The following SHISAL1 variants were observed in gnomAD, a reference collection of about 807,000 sequenced individuals.
The protein encoded by SHISAL1 is shisa like 1.
A neutral mutation model predicts 22.6 loss-of-function variants in SHISAL1; 9 were observed. The ratio of observed to expected loss-of-function variants is 0.40; its 90% confidence interval spans 0.24 to 0.70. The LOEUF is 0.70. SHISAL1 is among the 30% of genes least tolerant of loss of function. The probability of loss-of-function intolerance (pLI) is 0.39; values close to 1 mark genes in which losing one functional copy is unlikely to be tolerated. For missense variants in SHISAL1, 246 were observed against 270.6 expected (o/e 0.91, Z 0.64); for synonymous variants, 119 against 115.4 (o/e 1.03, Z -0.20).
Position 44,285,757 on chromosome 22 carries a change from CA to C in SHISAL1, c.282-13del, listed in dbSNP as rs1271175177. The C allele has an allele frequency of 6.2e-7, 1 of 1,602,780 alleles. No homozygotes were observed. Among genetic ancestry groups the C allele is most frequent in the African/African-American group, 1.3e-5 (1 of 74,772 alleles). ...AGGCGGTGTAATTGCTGCGAACAAA[CA>C]GAGAGGGAGTGAGCAAGCAGAGGGG... On this transcript the variant is annotated splice_polypyrimidine_tract_variant and intron_variant, in intron 3 of 4. Coordinates refer to ENST00000381176, the MANE Select transcript of SHISAL1 (RefSeq NM_001099294.2).
intron 4 of SHISAL1, among the ~76,000 whole-genome samples, chr22:44,262,703 G>C (rs2055133340): frequency 6.6e-6 from 1 of 152,236 alleles, no homozygotes; most frequent in Non-Finnish European, 1.5e-5. Context: ...CTGGGGAGTA[G>C]CAGGCTGCCC....
the SHISAL1 span, among the ~76,000 whole-genome samples, chr22:44,323,672 CA>C: frequency 3.3e-5 from 5 of 150,832 alleles, no homozygotes; most frequent in East Asian, 2.0e-4. Context: ...TCCATCCATC[CA>C]TCCATCCATC....
chr22:44,329,440 G>A, the SHISAL1 span, among the ~76,000 whole-genome samples: 1 of 144,980 alleles, frequency 6.9e-6, no homozygotes, highest in Admixed American at 6.8e-5. Context: ...GCGAGAATGG[G>A]ACACACACAC....
intron 4 of SHISAL1, among the ~76,000 whole-genome samples, chr22:44,282,258 C>T (rs2055281852): frequency 6.6e-6 from 1 of 152,240 alleles, no homozygotes; most frequent in South Asian, 2.1e-4. Flanking sequence ...CCCCGCCCAC[C>T]GTGGGCCCTC....
chr22:44,294,137 G>A (rs545861280), intron 3 of SHISAL1, among the ~76,000 whole-genome samples: 9 of 152,350 alleles, frequency 5.9e-5, no homozygotes, highest in Admixed American at 2.6e-4. Flanking sequence ...CAGGGAATTC[G>A]TTCCTTGTCT....
At chr22:44,318,450 G>C in the SHISAL1 span, among the ~76,000 whole-genome samples, 46 of 152,358 alleles carry the variant, frequency 3.0e-4, no homozygotes, top group Non-Finnish European at 4.8e-4. Flanking sequence ...AGCGGGTGCT[G>C]GGCCCAGGCC....
chr22:44,301,706 T>C (rs2055430637), intron 1 of SHISAL1, among the ~76,000 whole-genome samples: 3 of 152,034 alleles, frequency 2.0e-5, no homozygotes, highest in Admixed American at 2.0e-4. Flanking sequence ...CGTCACACAA[T>C]GCACATTACT....
At chr22:44,260,816 C>G (rs541566438) in intron 4 of SHISAL1, among the ~76,000 whole-genome samples, 2 of 152,218 alleles carry the variant, frequency 1.3e-5, no homozygotes, top group South Asian at 4.2e-4. Flanking sequence ...GGCAGCGTCA[C>G]TCCTGACTTT....
intron 4 of SHISAL1, among the ~76,000 whole-genome samples, chr22:44,257,361 C>A: frequency 6.6e-6 from 1 of 152,228 alleles, no homozygotes; most frequent in Non-Finnish European, 1.5e-5. Flanking sequence ...GAGAGTCACA[C>A]AGAGACCAAT....
chr22:44,300,396 T>C (rs1341063924), intron 2 of SHISAL1, among the ~76,000 whole-genome samples: 1 of 152,174 alleles, frequency 6.6e-6, no homozygotes, highest in Non-Finnish European at 1.5e-5. Context: ...TGCTCATCCT[T>C]GTAACTGGGA....
At chr22:44,269,258 CCA>C (rs1038090623) in intron 4 of SHISAL1, among the ~76,000 whole-genome samples, 18 of 151,422 alleles carry the variant, frequency 1.2e-4, no homozygotes, top group African/African-American at 3.4e-4. Context: ...TACACACACG[CCA>C]CACAGACACC....
upstream of SHISAL1, among the ~76,000 whole-genome samples, chr22:44,314,013 G>A (rs1419042794): frequency 2.6e-5 from 4 of 152,144 alleles, no homozygotes; most frequent in Admixed American, 2.0e-4. Flanking sequence ...CAGCCTGACG[G>A]GGTAGGGGCC....
At chr22:44,328,045 C>T in the SHISAL1 span, among the ~76,000 whole-genome samples, 3 of 152,160 alleles carry the variant, frequency 2.0e-5, no homozygotes, top group African/African-American at 7.2e-5. Context: ...GAAGCTAAAG[C>T]AGCCAAGACT....
At chr22:44,322,301 G>T in the SHISAL1 span, among the ~76,000 whole-genome samples, 1 of 152,192 alleles carries the variant, frequency 6.6e-6, no homozygotes, top group Non-Finnish European at 1.5e-5. Flanking sequence ...GGGCTCCAAG[G>T]GCCTTGGGCA....
At chr22:44,297,789 T>A (rs1412304543) in intron 2 of SHISAL1, among the ~76,000 whole-genome samples, 1 of 152,270 alleles carries the variant, frequency 6.6e-6, no homozygotes, top group Non-Finnish European at 1.5e-5. Flanking sequence ...ATAAAAGAGA[T>A]CGCTGTATCT....
intron 3 of SHISAL1, among the ~76,000 whole-genome samples, chr22:44,288,526 A>G (rs1054229081): frequency 1.3e-5 from 2 of 152,144 alleles, no homozygotes; most frequent in African/African-American, 4.8e-5. Context: ...CTGTAATCCC[A>G]GCTACTCAGG....
chr22:44,309,966 G>C (rs552310912), intron 1 of SHISAL1, among the ~76,000 whole-genome samples: 5 of 152,232 alleles, frequency 3.3e-5, no homozygotes, highest in Non-Finnish European at 2.9e-5. Context: ...GAGAGAACTA[G>C]GACATCTTTC....
chr22:44,280,349 T>C (rs917758596), intron 4 of SHISAL1, among the ~76,000 whole-genome samples: 4 of 152,198 alleles, frequency 2.6e-5, no homozygotes, highest in East Asian at 3.9e-4. Context: ...ATGGATCTAC[T>C]GTGTGGCCTT....
chr22:44,285,574 G>A lies in SHISAL1; in HGVS notation c.453C>T (p.Asn151=), dbSNP rs1200979205. The change falls in exon 4 of 5, where the codon AAC becomes AAT. Residue 151 remains asparagine (N), a synonymous_variant. Transcript: ENST00000381176. ...GACCCGGCCGAGGGGCCCGAGCGGG[G>A]TTCCCCCACCGCCGGGGGTCCTGTT... is the stretch of plus-strand genomic sequence containing the variant. ...WMKQDPRRWG[N]PARAPRPGQR... The A allele has an allele frequency of 1.9e-6, 3 of 1,613,808 alleles. No individual in the cohort carries two copies. The highest frequency in any genetic ancestry group is 3.3e-5 in the Admixed American group (2 of 60,024).
Sources: allele counts gnomAD v4.1 joint callset (sites outside exome capture counted in the v4.1 genomes callset), GRCh38; gene constraint gnomAD v4.1.1; transcripts MANE v1.5; gene names NCBI Gene and HGNC (gene_info 2026-07-23, HGNC 2026-07-21).